P4HA1: variants seen among roughly 807,000 people sequenced by gnomAD.
P4HA1 encodes prolyl 4-hydroxylase subunit alpha-1.
Under a neutral mutation model 72.8 loss-of-function variants are expected in P4HA1, and 24 were observed. The observed-to-expected ratio is 0.33, with a 90% CI of 0.24 to 0.46. The LOEUF is 0.46. Among genes scored for constraint, P4HA1 ranks in the 20% least tolerant of loss-of-function variants. The pLI is 1.00. For synonymous variants in P4HA1, 201 were observed against 218.8 expected, an observed-to-expected ratio of 0.92 and a Z score of 0.72; for missense variants, 446 against 640.6, an observed-to-expected ratio of 0.70 and a Z score of 3.28.
At chr10:73,053,855 C>T (rs1208147994) in intron 5 of P4HA1, among the ~76,000 whole-genome samples, 1 of 152,022 alleles carries the variant, frequency 6.6e-6, no homozygotes, top group Non-Finnish European at 1.5e-5. Context: ...CAAAATGAAA[C>T]ATCCATTAAG....
intron 1 of P4HA1, among the ~76,000 whole-genome samples, chr10:73,095,522 T>TAAA (rs3065972): frequency 7.5e-6 from 1 of 133,504 alleles, no homozygotes; most frequent in African/African-American, 2.7e-5. Context: ...ACCAGAACTT[T>TAAA]AAAAAAAAAA....
chr10:73,078,409 T>C (rs1397716752), intron 1 of P4HA1, among the ~76,000 whole-genome samples: 4 of 152,100 alleles, frequency 2.6e-5, no homozygotes, highest in African/African-American at 9.7e-5. Context: ...TTAAAAATTA[T>C]CATACAACCT....
intron 1 of P4HA1, among the ~76,000 whole-genome samples, chr10:73,096,556 G>A (rs1257037934): frequency 6.6e-6 from 1 of 152,226 alleles, no homozygotes; most frequent in Non-Finnish European, 1.5e-5. Context: ...GGGAAGGGGG[G>A]CACGAAGGAG....
At chr10:73,032,288 A>G (rs1355877508) in intron 9 of P4HA1, among the ~76,000 whole-genome samples, 1 of 152,096 alleles carries the variant, frequency 6.6e-6, no homozygotes, top group African/African-American at 2.4e-5. Context: ...CAGATTCCTA[A>G]TCTCTGAACC....
chr10:73,052,994 A>G (rs890272717), intron 6 of P4HA1, among the ~76,000 whole-genome samples: 3 of 152,226 alleles, frequency 2.0e-5, no homozygotes, highest in Non-Finnish European at 4.4e-5. Flanking sequence ...TCTATTTTAA[A>G]TCACTTTATT....
intron 12 of P4HA1, among the ~76,000 whole-genome samples, chr10:73,013,682 AAAC>A (rs1475890517): frequency 6.6e-6 from 1 of 152,232 alleles, no homozygotes; most frequent in African/African-American, 2.4e-5. Context: ...AAAAATATAT[AAAC>A]AATTTTAAAA....
chr10:73,069,449 T>G (rs1327064381), intron 4 of P4HA1, among the ~76,000 whole-genome samples: 1 of 152,156 alleles, frequency 6.6e-6, no homozygotes, highest in Non-Finnish European at 1.5e-5. Context: ...TATATAAATA[T>G]GTAAATATAT....
rs541344077 is a variant in P4HA1, at chr10:73,050,147, T to C, written c.900+906A>G. On this transcript the variant is annotated intron_variant, in intron 7 of 14. Coordinates refer to ENST00000394890, the MANE Select transcript of P4HA1 (RefSeq NM_001017962.3). ...CGCTACCGCATTCCAGCCTGGGTGATAGGGTGGGTTTCTGTCTCAAAAAAA... is the reference window on the plus strand; with the variant it reads ...CGCTACCGCATTCCAGCCTGGGTGACAGGGTGGGTTTCTGTCTCAAAAAAA... Among the ~76,000 whole-genome samples the C allele has an allele frequency of 4.1e-5, 6 of 147,852 alleles. No homozygotes were observed. The South Asian group carries it at 8.6e-4, about 21-fold the overall frequency.
chr10:73,027,861 G>A (rs1370510754), intron 10 of P4HA1, among the ~76,000 whole-genome samples: 1 of 133,006 alleles, frequency 7.5e-6, no homozygotes, highest in Non-Finnish European at 1.6e-5. Context: ...AGGAGGGGAG[G>A]GAGGGAGAGA....
chr10:73,054,685 C>T (rs1442513937), intron 5 of P4HA1, among the ~76,000 whole-genome samples: 1 of 152,198 alleles, frequency 6.6e-6, no homozygotes, highest in Non-Finnish European at 1.5e-5. Flanking sequence ...AACTGTTTTC[C>T]AAAGTGGCTA....
intron 4 of P4HA1, among the ~76,000 whole-genome samples, chr10:73,071,550 A>G (rs1468480489): frequency 6.6e-6 from 1 of 152,144 alleles, no homozygotes; most frequent in Non-Finnish European, 1.5e-5. Context: ...TGCTCCAACT[A>G]CAAATTGTAT....
chr10:73,026,665 AG>A (rs1840277313), intron 10 of P4HA1, among the ~76,000 whole-genome samples: 1 of 152,246 alleles, frequency 6.6e-6, no homozygotes, highest in South Asian at 2.1e-4. Flanking sequence ...CAGAGTGAAC[AG>A]GCAACCTACA....
At chr10:73,018,414 C>T (rs74600222) in intron 10 of P4HA1, among the ~76,000 whole-genome samples, 7,219 of 152,234 alleles carry the variant, frequency 0.047, 601 homozygotes, top group African/African-American at 0.16. Context: ...AACTCTAGTA[C>T]CCTGCTTCCC....
At chr10:73,080,748 G>A (rs1351815396) in intron 1 of P4HA1, among the ~76,000 whole-genome samples, 1 of 152,080 alleles carries the variant, frequency 6.6e-6, no homozygotes, top group Admixed American at 6.6e-5. Flanking sequence ...CTAACACAGT[G>A]AAACCCCGTC....
chr10:73,040,486 T>A (rs975499584), intron 9 of P4HA1, among the ~76,000 whole-genome samples: 10 of 151,008 alleles, frequency 6.6e-5, no homozygotes, highest in Non-Finnish European at 1.5e-4. Context: ...ATTTTTTTTT[T>A]TTTTTTTTTG....
intron 1 of P4HA1, among the ~76,000 whole-genome samples, chr10:73,079,505 G>C (rs1194990364): frequency 6.6e-6 from 1 of 152,182 alleles, no homozygotes; most frequent in Non-Finnish European, 1.5e-5. Context: ...ACTTTGGGAG[G>C]CCAAGGTGGA....
At chr10:73,061,787 T>C (rs747743777) in intron 5 of P4HA1, among the ~76,000 whole-genome samples, 1 of 151,576 alleles carries the variant, frequency 6.6e-6, no homozygotes, top group Non-Finnish European at 1.5e-5. Context: ...TAAAAATAAA[T>C]TACAAAGACC....
At chr10:73,088,139 T>C (rs1302739764) in intron 1 of P4HA1, among the ~76,000 whole-genome samples, 1 of 152,104 alleles carries the variant, frequency 6.6e-6, no homozygotes, top group Non-Finnish European at 1.5e-5. Context: ...GCAATCCTCC[T>C]GCCTCAACCT....
intron 9 of P4HA1, among the ~76,000 whole-genome samples, chr10:73,030,727 T>C (rs190668170): frequency 1.1e-4 from 17 of 152,096 alleles, no homozygotes; most frequent in African/African-American, 3.4e-4. Context: ...CCAGGTAAGG[T>C]ATAGGAACTG....
Sources: allele counts gnomAD v4.1 joint callset (sites outside exome capture counted in the v4.1 genomes callset), GRCh38; gene constraint gnomAD v4.1.1; transcripts MANE v1.5; gene names NCBI Gene and HGNC (gene_info 2026-07-23, HGNC 2026-07-21).